CCDC88A: variants seen among roughly 807,000 people sequenced by gnomAD.
CCDC88A encodes the protein girdin.
In CCDC88A, 54 loss-of-function variants were observed where a neutral mutation model predicts 234.3. The observed-to-expected ratio is 0.23, with a 90% CI of 0.19 to 0.29. The LOEUF is 0.29. CCDC88A is among the 10% of genes least tolerant of loss of function. CCDC88A has a pLI of 1.00. For synonymous variants in CCDC88A, 753 were observed against 737.8 expected (o/e 1.02, Z -0.33); for missense variants, 1,832 against 2,123.4 (o/e 0.86, Z 2.70).
intron 2 of CCDC88A, chr2:55,403,294 T>A (rs1679022737): frequency 1.3e-5 from 2 of 152,154 alleles, no homozygotes; most frequent in Admixed American, 6.5e-5. Context: ...AAACCATGAG[T>A]ACTTTTTCTT....
intron 18 of CCDC88A, among the ~76,000 whole-genome samples, chr2:55,320,050 A>G (rs1044853124): frequency 2.6e-5 from 4 of 152,168 alleles, no homozygotes; most frequent in African/African-American, 9.6e-5. Flanking sequence ...ATACCATAAA[A>G]TTGAAGCTGA....
intron 7 of CCDC88A, among the ~76,000 whole-genome samples, chr2:55,358,303 T>C (rs1670851985): frequency 6.6e-6 from 1 of 152,170 alleles, no homozygotes; most frequent in Non-Finnish European, 1.5e-5. Context: ...ACCCAACCAA[T>C]GATATGGATA....
chr2:55,418,577 A>G (rs1320180139), intron 2 of CCDC88A: 11 of 539,470 alleles, frequency 2.0e-5, no homozygotes, highest in Non-Finnish European at 2.6e-5. Context: ...AAGACAAGTG[A>G]CAATACATGG....
chr2:55,418,747 C>T (rs1197594480), intron 2 of CCDC88A, 69 bp downstream of exon 2: 3 of 1,232,090 alleles, frequency 2.4e-6, no homozygotes, highest in Non-Finnish European at 2.4e-6. Context: ...CTTAAAACAT[C>T]GTGTCTCAAA....
intron 5 of CCDC88A, among the ~76,000 whole-genome samples, chr2:55,366,945 T>C (rs2104800786): frequency 6.6e-6 from 1 of 152,266 alleles, no homozygotes; most frequent in South Asian, 2.1e-4. Context: ...CAAACAGACA[T>C]TTGTACACTC....
intron 2 of CCDC88A, among the ~76,000 whole-genome samples, chr2:55,416,721 TA>T (rs1472314453): frequency 6.6e-6 from 1 of 151,458 alleles, no homozygotes; most frequent in Non-Finnish European, 1.5e-5. Flanking sequence ...ACTGACACTT[TA>T]TAATAGAGTA....
Position 55,317,920 on chromosome 2 carries a change from T to C in CCDC88A, c.3325-79A>G. On this transcript the variant is annotated intron_variant, in intron 19 of 32. Transcript: ENST00000436346. The surrounding 1 kb of genome is among the most constrained non-coding windows in gnomAD (Gnocchi z 4.2). ...TCAAAATACAAGATTACAATGTTAATTAAAGAAAGCTCTAAATGAATCACA... is the reference window on the plus strand; with the variant it reads ...TCAAAATACAAGATTACAATGTTAACTAAAGAAAGCTCTAAATGAATCACA... The C allele has an allele frequency of 9.5e-7, 1 of 1,047,356 alleles. No homozygotes were observed. The highest frequency in any genetic ancestry group is 1.7e-5 in the South Asian group (1 of 59,930). 64.9% of individuals were successfully genotyped at this position (1,047,356 alleles called of 1,614,324 possible). A position where few individuals can be genotyped will look rare whatever the true frequency, so the allele number is the denominator to read the frequency against.
intron 31 of CCDC88A, chr2:55,293,704 A>G (rs942946227): frequency 1.3e-5 from 2 of 152,154 alleles, no homozygotes; most frequent in African/African-American, 2.4e-5. Context: ...AGTCCTTATC[A>G]GCTATAGGCT....
At chr2:55,370,584 T>C (rs368938617) in intron 5 of CCDC88A, among the ~76,000 whole-genome samples, 136 of 131,920 alleles carry the variant, frequency 1.0e-3, no homozygotes, top group African/African-American at 3.7e-3. Context: ...GAGGTTGCAG[T>C]GAGCCAAGAT....
chr2:55,298,111 C>T (rs551264964), intron 29 of CCDC88A, among the ~76,000 whole-genome samples: 56 of 152,232 alleles, frequency 3.7e-4, no homozygotes, highest in Middle Eastern at 3.4e-3. Flanking sequence ...TCCCTCAAAT[C>T]TATGGTGTTC....
chr2:55,292,274 C>T (rs1010286586), intron 31 of CCDC88A: 4 of 152,240 alleles, frequency 2.6e-5, no homozygotes, highest in Non-Finnish European at 4.4e-5. Context: ...GCCAGGAATA[C>T]TGAAAGCTAT....
Position 55,346,288 on chromosome 2 carries a change from C to G in CCDC88A, c.928G>C (p.Asp310His), listed in dbSNP as rs1392265090. The G allele has an allele frequency of 6.2e-7, 1 of 1,609,920 alleles. No homozygotes were observed. The highest frequency in any genetic ancestry group is 8.5e-7 in the Non-Finnish European group (1 of 1,177,372). Residue 310 changes from aspartate (D) to histidine (H), a missense_variant, in exon 10 of 33, where the codon GAT (aspartate) becomes CAT (histidine). Transcript: ENST00000436346. ...TTCTCTCGAAGTGCATCTAATTCAT[C>G]TCGGTACATTCTGGCAGAGCGAGCA... is the stretch of plus-strand genomic sequence containing the variant. ...SDARSARMYR[D>H]ELDALREKAV...
At chr2:55,296,126 A>C in intron 30 of CCDC88A, 70 bp from the exon 31 acceptor site, 10 of 1,348,068 alleles carry the variant, frequency 7.4e-6, no homozygotes, top group Non-Finnish European at 1.0e-5. Context: ...GATTTAGCAG[A>C]CTGTGCAATA....
Position 55,295,933 on chromosome 2 carries a change from T to C in CCDC88A, c.5215A>G (p.Thr1739Ala). Residue 1739 changes from threonine to alanine, a missense_variant, in exon 31 of 33, where the codon ACC becomes GCC. Thr to Ala is a moderately conservative substitution (Grantham distance 58, BLOSUM62 0). Around this residue, in one of 6 missense-constraint regions of CCDC88A, gnomAD observed 422 missense variants for 416.5 expected, o/e 1.01. Transcript: ENST00000436346. Reference protein sequence around the residue: ...CGLARSVSGKTPGDFYDRRTT... With the variant: ...CGLARSVSGKAPGDFYDRRTT... ...CGTCTATCATAGAAGTCCCCTGGGG[T>C]TTTTCCACTTACTGACCTGGCCAGA... The C allele has an allele frequency of 6.2e-7, 1 of 1,613,888 alleles. No homozygotes were observed. Among genetic ancestry groups the C allele is most frequent in the South Asian group, 1.1e-5 (1 of 91,076 alleles).
At chr2:55,384,549 GTGTATATATACACATATATACGTA>G (rs1675176981) in intron 3 of CCDC88A, among the ~76,000 whole-genome samples, 1 of 48,004 alleles carries the variant, frequency 2.1e-5, no homozygotes, top group African/African-American at 9.5e-5. Context: ...ACGTATATAT[GTGTATATATACACATATATACGTA>G]TATATGTGTA....
intron 17 of CCDC88A, chr2:55,324,236 T>G (rs1207893965): frequency 3.9e-5 from 6 of 152,220 alleles, no homozygotes; most frequent in Admixed American, 2.0e-4. Flanking sequence ...AATGTCATCT[T>G]TAAAAACAGA....
chr2:55,296,546 G>A lies in CCDC88A; in HGVS notation c.4826-23C>T, dbSNP rs201633855. On this transcript the variant is annotated intron_variant, in intron 29 of 32. Transcript: ENST00000436346. The stretch of plus-strand genomic sequence containing the variant: ...CTGCTTTTGGAGTAAATGGGGTGTT[G>A]AGATTTCAATAATAGAATTGAGATT... 6.9e-6 allele frequency: 11 copies of A among 1,604,012 alleles called. No homozygotes were observed. The East Asian group carries it at 2.2e-4, about 33-fold the overall frequency.
chr2:55,403,115 T>C (rs79422941), intron 2 of CCDC88A, among the ~76,000 whole-genome samples: 5,194 of 152,314 alleles, frequency 0.034, 141 homozygotes, highest in Admixed American at 0.067. Flanking sequence ...AATTTCATCA[T>C]TGACAACAAA....
In CCDC88A at chr2:55,327,111, C is replaced by G. The variant is rs569637093; in HGVS notation, c.2997+1183G>C. Among the ~76,000 whole-genome samples, 44 of 151,954 alleles carry G rather than the reference C, an allele frequency of 2.9e-4. No individual in the cohort carries two copies. The South Asian group carries it at 6.0e-3, about 21-fold the overall frequency. ...CAGTTCTAAAATTTATTCTCTGGCT[C>G]TGAGAATGTCTGGATGAAAAATAAG... On this transcript the variant is annotated intron_variant, in intron 17 of 32. Transcript: ENST00000436346.
Sources: gnomAD v4.1 joint callset for allele counts (sites outside exome capture counted in the v4.1 genomes callset) on GRCh38, gnomAD v4.1.1 for gene constraint, gnomAD v4.1.1 regional missense constraint, Gnocchi (gnomAD v3.1) non-coding constraint, MANE v1.5 for transcripts, NCBI Gene and HGNC (gene_info 2026-07-23, HGNC 2026-07-21) for gene names.